The following TCF7L2 variants were observed in gnomAD, a reference collection of about 807,000 sequenced individuals.
The protein encoded by TCF7L2 is transcription factor 7 like 2.
In TCF7L2, 23 loss-of-function variants were observed where a neutral mutation model predicts 77.9. The ratio of observed to expected loss-of-function variants is 0.30; its 90% CI spans 0.21 to 0.42. The LOEUF (loss-of-function observed/expected upper bound fraction) is 0.42. Among genes scored for constraint, TCF7L2 ranks in the 10% least tolerant of loss-of-function variants. The probability of loss-of-function intolerance (pLI) is 1.00; values close to 1 mark genes in which losing one functional copy is unlikely to be tolerated. For missense variants in TCF7L2, 654 were observed against 793.1 expected, an observed-to-expected ratio of 0.82 and a Z score of 2.11; for synonymous variants, 413 against 340.2, an observed-to-expected ratio of 1.21 and a Z score of -2.36.
intron 5 of TCF7L2, among the ~76,000 whole-genome samples, chr10:113,080,498 CTT>C (rs1323529567): frequency 6.6e-6 from 1 of 152,208 alleles, no homozygotes; most frequent in East Asian, 1.9e-4. Context: ...GCTGGCAAGT[CTT>C]TTTTCAAGTT....
At chr10:112,961,649 A>G (rs2134494812) in intron 3 of TCF7L2, among the ~76,000 whole-genome samples, 1 of 152,304 alleles carries the variant, frequency 6.6e-6, no homozygotes, top group East Asian at 1.9e-4. Context: ...AGAAATAAAA[A>G]TTTTAAGTCC....
chr10:113,033,577 C>T (rs1038013534), intron 4 of TCF7L2, among the ~76,000 whole-genome samples: 45 of 152,274 alleles, frequency 3.0e-4, no homozygotes, highest in African/African-American at 1.0e-3. Context: ...TATTCTTTCT[C>T]CAAGTACAGA....
At chr10:113,109,880 T>G (rs2136075459) in intron 5 of TCF7L2, among the ~76,000 whole-genome samples, 1 of 152,358 alleles carries the variant, frequency 6.6e-6, no homozygotes, top group Non-Finnish European at 1.5e-5. Context: ...ACCTGCCTCT[T>G]TGATAACTTA....
intron 4 of TCF7L2, among the ~76,000 whole-genome samples, chr10:113,029,775 C>T (rs1015173837): frequency 1.4e-4 from 21 of 152,134 alleles, no homozygotes; most frequent in East Asian, 3.9e-4. Flanking sequence ...GTGATCCAAC[C>T]GCCTCGGCCT....
chr10:113,100,567 A>C (rs1419729736), intron 5 of TCF7L2, among the ~76,000 whole-genome samples: 1 of 152,164 alleles, frequency 6.6e-6, no homozygotes, highest in Admixed American at 6.5e-5. Context: ...AGAAAAACAC[A>C]GTGGAAGATT....
chr10:113,038,562 T>C (rs925666161), intron 4 of TCF7L2, among the ~76,000 whole-genome samples: 1 of 152,240 alleles, frequency 6.6e-6, no homozygotes, highest in Non-Finnish European at 1.5e-5. Flanking sequence ...CTTTGGCACT[T>C]CTGTCTCTCG....
intron 5 of TCF7L2, among the ~76,000 whole-genome samples, chr10:113,120,593 A>G (rs1354093700): frequency 1.3e-5 from 2 of 152,202 alleles, no homozygotes; most frequent in Non-Finnish European, 2.9e-5. Flanking sequence ...TGAGAAAATC[A>G]TACCTTCTAG....
At chr10:113,011,237 A>G (rs1218340164) in intron 4 of TCF7L2, among the ~76,000 whole-genome samples, 1 of 152,152 alleles carries the variant, frequency 6.6e-6, no homozygotes, top group Non-Finnish European at 1.5e-5. Flanking sequence ...GAGCTTAGGA[A>G]AGGGCATCCA....
chr10:113,039,131 G>A (rs1298947354), intron 4 of TCF7L2, among the ~76,000 whole-genome samples: 1 of 152,178 alleles, frequency 6.6e-6, no homozygotes, highest in East Asian at 1.9e-4. Flanking sequence ...AAATGCCTAA[G>A]AGTTTCTTAT....
intron 5 of TCF7L2, among the ~76,000 whole-genome samples, chr10:113,080,780 G>A (rs896891082): frequency 1.1e-4 from 17 of 152,056 alleles, no homozygotes; most frequent in African/African-American, 4.1e-4. Flanking sequence ...ATTAGCCCTC[G>A]TTTGCACACT....
intron 4 of TCF7L2, among the ~76,000 whole-genome samples, chr10:112,994,864 C>T (rs372656185): frequency 9.9e-5 from 15 of 152,220 alleles, no homozygotes; most frequent in African/African-American, 2.9e-4. Flanking sequence ...CTTTGGGAGA[C>T]TGAGGCGAGC....
rs1311842401 is a variant in TCF7L2, at chr10:113,151,471, CT to C, written c.1002-251del. On this transcript the variant is annotated intron_variant, in intron 9 of 13. Coordinates refer to ENST00000627217, the MANE Select transcript of TCF7L2 (RefSeq NM_001146274.2). This position sits in a 1 kb window ranked among gnomAD's most constrained non-coding sequence, Gnocchi z 5.2. ...CCGAGGTGAAGACAGCAACCATGTG[CT>C]TTCCCCTCTGGCTTGGGAAAATTGT... 6.6e-6 allele frequency among the ~76,000 whole-genome samples: 1 copy of C among 152,174 alleles called. No individual in the cohort carries two copies. Among genetic ancestry groups the C allele is most frequent in the African/African-American group, 2.4e-5 (1 of 41,436 alleles).
intron 5 of TCF7L2, among the ~76,000 whole-genome samples, chr10:113,046,253 G>T (rs139887251): frequency 2.8e-4 from 43 of 152,138 alleles, no homozygotes; most frequent in African/African-American, 1.0e-3. Context: ...CTCAGTTGTA[G>T]CCCCTGCATG....
chr10:112,966,188 A>ATT (rs1332157424), intron 4 of TCF7L2, among the ~76,000 whole-genome samples: 3 of 74,764 alleles, frequency 4.0e-5, no homozygotes, highest in African/African-American at 1.2e-4. Context: ...ATATATTTAT[A>ATT]TATATATATA....
chr10:113,009,174 G>T (rs1458377691), intron 4 of TCF7L2, among the ~76,000 whole-genome samples: 1 of 152,138 alleles, frequency 6.6e-6, no homozygotes, highest in African/African-American at 2.4e-5. Flanking sequence ...ATAGTGATGA[G>T]AATTCATCTG....
At chr10:113,159,472 G>T (rs2072675696) in intron 12 of TCF7L2, among the ~76,000 whole-genome samples, 1 of 151,632 alleles carries the variant, frequency 6.6e-6, no homozygotes. Context: ...ATTCTGAGAA[G>T]AAAAAAGCAT....
chr10:113,018,444 CTTTT>C (rs35916053), intron 4 of TCF7L2, among the ~76,000 whole-genome samples: 1 of 92,548 alleles, frequency 1.1e-5, no homozygotes, highest in African/African-American at 5.0e-5. Context: ...CTCCTGAGTC[CTTTT>C]TTTTTTTTTT....
chr10:113,037,416 A>T (rs1201110618), intron 4 of TCF7L2, among the ~76,000 whole-genome samples: 1 of 152,154 alleles, frequency 6.6e-6, no homozygotes, highest in East Asian at 1.9e-4. Flanking sequence ...CTCTCTGGGC[A>T]GTGGGGCCGA....
intron 3 of TCF7L2, among the ~76,000 whole-genome samples, chr10:112,958,066 C>A (rs2034140491): frequency 1.3e-5 from 2 of 152,150 alleles, no homozygotes; most frequent in African/African-American, 4.8e-5. Context: ...AGATATGAAT[C>A]CCTAAACAGC....
Sources: gnomAD v4.1 joint callset for allele counts (sites outside exome capture counted in the v4.1 genomes callset) on GRCh38, gnomAD v4.1.1 for gene constraint, Gnocchi (gnomAD v3.1) non-coding constraint, MANE v1.5 for transcripts, NCBI Gene and HGNC (gene_info 2026-07-23, HGNC 2026-07-21) for gene names.